Variants in CHFR observed in about 807,000 individuals in gnomAD.
CHFR encodes the protein E3 ubiquitin-protein ligase CHFR.
In CHFR, 57 loss-of-function variants were observed where a neutral mutation model predicts 87.6. The ratio of observed to expected loss-of-function variants is 0.65; its 90% CI spans 0.53 to 0.81. The LOEUF (loss-of-function observed/expected upper bound fraction) is 0.81. Among genes scored for constraint, CHFR ranks in the 30% least tolerant of loss-of-function variants. The pLI, the probability that CHFR is intolerant of heterozygous loss-of-function variation, is 0.00. For synonymous variants in CHFR, 381 were observed against 359.2 expected, an observed-to-expected ratio of 1.06 and a Z score of -0.69; for missense variants, 797 against 865.8, an observed-to-expected ratio of 0.92 and a Z score of 1.00.
chr12:132,861,103 C>T (rs1951199819), intron 7 of CHFR, among the ~76,000 whole-genome samples: 1 of 151,990 alleles, frequency 6.6e-6, no homozygotes, highest in Non-Finnish European at 1.5e-5. Context: ...AGGCTGGTCT[C>T]GAACGCCTGA....
chr12:132,846,421 C>A (rs1381981380), intron 15 of CHFR, among the ~76,000 whole-genome samples: 5 of 152,056 alleles, frequency 3.3e-5, no homozygotes, highest in Non-Finnish European at 2.9e-5. Context: ...CGCCACCACG[C>A]CCGGCTAATT....
chr12:132,880,326 C>T (rs887052604), intron 2 of CHFR, among the ~76,000 whole-genome samples: 2 of 151,916 alleles, frequency 1.3e-5, no homozygotes, highest in African/African-American at 4.8e-5. Context: ...AAGCACAAAC[C>T]AGGAAAAAAT....
At chr12:132,872,645 C>T (rs1287274522) in intron 3 of CHFR, among the ~76,000 whole-genome samples, 2 of 152,226 alleles carry the variant, frequency 1.3e-5, no homozygotes, top group African/African-American at 4.8e-5. Context: ...AGCTCTGCTG[C>T]TGCAGGGCTG....
Position 132,857,424 on chromosome 12 carries a change from T to A in CHFR, c.1047A>T (p.Ala349=). The A allele has an allele frequency of 6.2e-7, 1 of 1,614,164 alleles. No individual in the cohort carries two copies. The highest frequency in any genetic ancestry group is 8.5e-7 in the Non-Finnish European group (1 of 1,180,020). ...ACTTGCCTGGATGCTGGATGAGGTA[T>A]GCTTCCACGAGGTTGTTGAGGATGT... is the stretch of plus-strand genomic sequence containing the variant. ...KNHILNNLVE[A]YLIQHPDKSR... The change falls in exon 9 of 18, where the codon GCA becomes GCT. Residue 349 remains alanine, a synonymous_variant. Transcript: ENST00000450056.
intron 16 of CHFR, among the ~76,000 whole-genome samples, chr12:132,843,498 T>C (rs768643312): frequency 9.9e-5 from 15 of 152,146 alleles, no homozygotes; most frequent in East Asian, 5.8e-4. Flanking sequence ...CAGTTGACTA[T>C]TGGATGTCTT....
In CHFR at chr12:132,878,081, C is replaced by T. The variant is rs527745057; in HGVS notation, c.134-427G>A. On this transcript the variant is annotated intron_variant, in intron 2 of 17. Coordinates refer to ENST00000450056, the MANE Select transcript of CHFR (RefSeq NM_001161346.2). ...CCTCCCAAAGTGCTGAGATTACAGG[C>T]GTGAGCCACCGCGCCCGGCCCATCC... Among the ~76,000 whole-genome samples the T allele has an allele frequency of 2.6e-5, 4 of 152,206 alleles. No homozygotes were observed. The South Asian group carries it at 6.2e-4, about 24-fold the overall frequency.
rs952721192 is a variant in CHFR, at chr12:132,832,770, T to C, written c.*8784A>G. 2.0e-5 allele frequency: 3 copies of C among 152,368 alleles called. No homozygotes were observed. The highest frequency in any genetic ancestry group is 7.2e-5 in the African/African-American group (3 of 41,594). 9.4% of individuals were successfully genotyped at this position (152,368 alleles called of 1,614,324 possible). A position where few individuals can be genotyped will look rare whatever the true frequency, so the allele number is the denominator to read the frequency against. On this transcript the variant is annotated 3_prime_UTR_variant, in exon 18 of 18. Transcript: ENST00000450056. ...TTCTTAACAGCTTTAATACAATTTCTATGCAATAAAATATACCCGTGTTGT... is the reference window on the plus strand; with the variant it reads ...TTCTTAACAGCTTTAATACAATTTCCATGCAATAAAATATACCCGTGTTGT...
chr12:132,886,182 C>T (rs188840466), intron 2 of CHFR, among the ~76,000 whole-genome samples: 499 of 152,166 alleles, frequency 3.3e-3, no homozygotes, highest in Non-Finnish European at 4.6e-3. Context: ...CATGGTGGCG[C>T]ACGCCTGTAG....
chr12:132,847,828 G>T, intron 14 of CHFR: 1 of 1,330,190 alleles, frequency 7.5e-7, no homozygotes, highest in Admixed American at 3.2e-5. Flanking sequence ...CAAGAGCTGC[G>T]GGAAGCGGCT....
At chr12:132,875,149 G>A (rs1340806812) in intron 3 of CHFR, among the ~76,000 whole-genome samples, 2 of 152,248 alleles carry the variant, frequency 1.3e-5, no homozygotes, top group Non-Finnish European at 2.9e-5. Flanking sequence ...AACTTAATCT[G>A]ATATCTATTA....
chr12:132,864,168 T>C (rs1192577129), intron 6 of CHFR, among the ~76,000 whole-genome samples: 1 of 145,788 alleles, frequency 6.9e-6, no homozygotes, highest in Non-Finnish European at 1.5e-5. Context: ...ATGTAAGTGT[T>C]ATTATTTGAA....
At chr12:132,861,862 G>A in intron 6 of CHFR, 1 of 526,294 alleles carries the variant, frequency 1.9e-6, no homozygotes, top group Admixed American at 3.1e-5. Context: ...CCCATTTGCA[G>A]AGAAACAAAT....
intron 2 of CHFR, among the ~76,000 whole-genome samples, chr12:132,884,329 G>C (rs1025427785): frequency 4.7e-5 from 7 of 150,440 alleles, no homozygotes; most frequent in Non-Finnish European, 1.0e-4. Flanking sequence ...TGAGGCAGGA[G>C]AATTGCTTGA....
At chr12:132,858,239 A>C (rs1330404920) in intron 8 of CHFR, among the ~76,000 whole-genome samples, 1 of 152,194 alleles carries the variant, frequency 6.6e-6, no homozygotes, top group African/African-American at 2.4e-5. Flanking sequence ...GCATGCCTGT[A>C]GTCCCAGCTA....
At chr12:132,879,962 A>G (rs909283013) in intron 2 of CHFR, among the ~76,000 whole-genome samples, 1 of 152,246 alleles carries the variant, frequency 6.6e-6, no homozygotes, top group African/African-American at 2.4e-5. Flanking sequence ...TGTGTGAATC[A>G]GAAGACTCAG....
chr12:132,848,554 C>T, intron 13 of CHFR, 87 bp downstream of exon 13: 2 of 1,013,410 alleles, frequency 2.0e-6, no homozygotes, highest in South Asian at 2.8e-5. Flanking sequence ...AAACATCAGG[C>T]TATGGACCCC....
At chr12:132,847,917 C>A in intron 14 of CHFR, 168 bp downstream of exon 14, 2 of 1,465,342 alleles carry the variant, frequency 1.4e-6, no homozygotes, top group Admixed American at 2.5e-5. Context: ...ACACCAATGG[C>A]ATGCAGAGAA....
At position 132,847,070 on chromosome 12, in the gene CHFR, G is replaced by C; in HGVS notation, c.1708C>G (p.Leu570Val). The change falls in exon 15 of 18, where the codon CTC (leucine) becomes GTC (valine). Residue 570 changes from leucine to valine, a missense_variant. This residue lies in a region of CHFR where 200 missense variants were observed against 264.6 expected (regional missense o/e 0.76). Coordinates refer to ENST00000450056, the MANE Select transcript of CHFR (RefSeq NM_001161346.2). ...KNMLTESLVA[L>V]QRGVFLLSDY... ...GACAGCAGAAACACTCCCCGCTGGA[G>C]AGCCACGAGGCTCTCGGTCAACATG... 6.2e-7 allele frequency: 1 copy of C among 1,613,712 alleles called. No homozygotes were observed. The highest frequency in any genetic ancestry group is 8.5e-7 in the Non-Finnish European group (1 of 1,179,786).
At chr12:132,861,821 C>G (rs573532558) in intron 6 of CHFR, 187 bp from the exon 7 acceptor site, 2 of 579,148 alleles carry the variant, frequency 3.5e-6, no homozygotes, top group East Asian at 5.6e-5. Context: ...TTGTGCCTAT[C>G]TCTACGTGGG....
Sources: allele counts gnomAD v4.1 joint callset (sites outside exome capture counted in the v4.1 genomes callset), GRCh38; gene constraint gnomAD v4.1.1; regional missense constraint gnomAD v4.1.1; transcripts MANE v1.5; gene names NCBI Gene and HGNC (gene_info 2026-07-23, HGNC 2026-07-21).